FIRRM: variants seen among roughly 807,000 people sequenced by gnomAD.
FIRRM encodes FIGNL1-interacting regulator of recombination and mitosis.
At chr1:169,796,098 T>C in the FIRRM span, 1,225 of 431,842 alleles carry the variant, frequency 2.8e-3, 18 homozygotes, top group African/African-American at 0.024. Flanking sequence ...TGCACAAATA[T>C]TGTGCAGCTA....
chr1:169,822,846 C>G, the FIRRM span, among the ~76,000 whole-genome samples: 11 of 152,188 alleles, frequency 7.2e-5, no homozygotes, highest in African/African-American at 2.4e-4. Flanking sequence ...TGATGACTCT[C>G]AAATACGCAG....
chr1:169,810,874 A>T, the FIRRM span, among the ~76,000 whole-genome samples: 1 of 52,238 alleles, frequency 1.9e-5, no homozygotes, highest in Non-Finnish European at 3.2e-5. Context: ...TTTTTTTGAG[A>T]CGGAGTCTCG....
chr1:169,826,362 A>AC, the FIRRM span, among the ~76,000 whole-genome samples: 1 of 129,874 alleles, frequency 7.7e-6, no homozygotes, highest in African/African-American at 2.9e-5. Flanking sequence ...CACACCCGGC[A>AC]TTTTTTTTTT....
chr1:169,796,039 T>G, the FIRRM span: 1 of 903,948 alleles, frequency 1.1e-6, no homozygotes. Context: ...CTTTATACAA[T>G]TACACTCAAA....
the FIRRM span, among the ~76,000 whole-genome samples, chr1:169,842,190 GTTTA>G: frequency 1.0e-4 from 15 of 149,746 alleles, no homozygotes; most frequent in African/African-American, 3.2e-4. Context: ...AAAAAAAAAA[GTTTA>G]TTTAGAAAAA....
At chr1:169,829,851 A>C in the FIRRM span, among the ~76,000 whole-genome samples, 1 of 152,346 alleles carries the variant, frequency 6.6e-6, no homozygotes, top group East Asian at 1.9e-4. Flanking sequence ...TAATATCTGA[A>C]ATTTAAAGAT....
the FIRRM span, chr1:169,807,963 A>G: frequency 2.5e-6 from 4 of 1,580,576 alleles, no homozygotes; most frequent in African/African-American, 4.1e-5. Flanking sequence ...TTAAACAGCA[A>G]CTCTTATTTT....
At chr1:169,795,223 C>G in the FIRRM span, 1 of 1,535,252 alleles carries the variant, frequency 6.5e-7, no homozygotes, top group Non-Finnish European at 8.7e-7. Flanking sequence ...CATATCCTTC[C>G]TTGGTTGTCA....
chr1:169,826,059 C>A, the FIRRM span: 1 of 294,928 alleles, frequency 3.4e-6, no homozygotes, highest in South Asian at 3.1e-5. Context: ...AGCATTCTGC[C>A]TATTTTAAAA....
chr1:169,822,853 G>A, the FIRRM span, among the ~76,000 whole-genome samples: 75 of 152,118 alleles, frequency 4.9e-4, no homozygotes, highest in Middle Eastern at 6.3e-3. Context: ...TCTCAAATAC[G>A]CAGCCCTCTT....
chr1:169,817,846 A>G, the FIRRM span, among the ~76,000 whole-genome samples: 2 of 152,232 alleles, frequency 1.3e-5, no homozygotes, highest in East Asian at 3.8e-4. Context: ...TTTGTTAAAG[A>G]GTAGATTATT....
At chr1:169,796,671 A>G in the FIRRM span, among the ~76,000 whole-genome samples, 1 of 152,218 alleles carries the variant, frequency 6.6e-6, no homozygotes, top group Non-Finnish European at 1.5e-5. Context: ...TCATTATTCC[A>G]AAAAAGTTAA....
the FIRRM span, chr1:169,803,028 T>A: frequency 1.3e-6 from 1 of 744,940 alleles, no homozygotes; most frequent in Non-Finnish European, 2.2e-6. Flanking sequence ...TATTTGTAGT[T>A]CTGATAGACT....
chr1:169,786,924 G>A, the FIRRM span, among the ~76,000 whole-genome samples: 1 of 152,304 alleles, frequency 6.6e-6, no homozygotes, highest in East Asian at 1.9e-4. Flanking sequence ...CCGCTCTACT[G>A]GGACCAGTAG....
At chr1:169,842,690 T>C in the FIRRM span, 2 of 826,142 alleles carry the variant, frequency 2.4e-6, no homozygotes, top group East Asian at 5.6e-5. Flanking sequence ...ACCTGTACTC[T>C]CTCACGCAGC....
chr1:169,846,685 G>C, the FIRRM span, among the ~76,000 whole-genome samples: 1 of 152,154 alleles, frequency 6.6e-6, no homozygotes, highest in South Asian at 2.1e-4. Flanking sequence ...AGCTTTCACA[G>C]AATTGGAGAG....
chr1:169,848,243 AT>A, the FIRRM span, among the ~76,000 whole-genome samples: 1 of 152,226 alleles, frequency 6.6e-6, no homozygotes, highest in Non-Finnish European at 1.5e-5. Context: ...TAGATTATTT[AT>A]AAAATTATAC....
At chr1:169,809,919 C>T in the FIRRM span, among the ~76,000 whole-genome samples, 60 of 152,236 alleles carry the variant, frequency 3.9e-4, 2 homozygotes, top group East Asian at 0.01. Flanking sequence ...TAACAAAATC[C>T]CTTAAACTGG....
At chr1:169,818,822 G>T in the FIRRM span, among the ~76,000 whole-genome samples, 1 of 152,156 alleles carries the variant, frequency 6.6e-6, no homozygotes, top group Non-Finnish European at 1.5e-5. Flanking sequence ...AAGTAGCTGG[G>T]ATTACAAGCA....
Sources: allele counts gnomAD v4.1 joint callset (sites outside exome capture counted in the v4.1 genomes callset), GRCh38; gene constraint gnomAD v4.1.1; transcripts MANE v1.5; gene names NCBI Gene and HGNC (gene_info 2026-07-23, HGNC 2026-07-21).